Variants in NUP188 observed in about 807,000 individuals in gnomAD.
NUP188 encodes nucleoporin NUP188.
Under a neutral mutation model 223.0 loss-of-function variants are expected in NUP188, and 97 were observed. The observed-to-expected ratio is 0.43, with a 90% CI of 0.37 to 0.51. The LOEUF is 0.51. Among genes scored for constraint, NUP188 ranks in the 20% least tolerant of loss-of-function variants. NUP188 has a pLI of 0.00. For missense variants in NUP188, 1,947 were observed against 2,175.6 expected (o/e 0.89, Z 2.09); for synonymous variants, 869 against 828.0 (o/e 1.05, Z -0.85).
intron 6 of NUP188, 49 bp downstream of exon 6, chr9:128,958,103 G>C (rs1303896388): frequency 6.8e-7 from 1 of 1,471,684 alleles, no homozygotes; most frequent in Non-Finnish European, 9.5e-7. Context: ...TTGAGTGACA[G>C]CTTCTTGACC....
At chr9:129,001,381 GGA>G (rs1359005338) in intron 34 of NUP188, 146 bp from the exon 35 acceptor site, 2 of 668,790 alleles carry the variant, frequency 3.0e-6, no homozygotes, top group Admixed American at 4.5e-5. Flanking sequence ...GGGCAGGGTG[GGA>G]GAGAGTGTGC....
At position 128,979,443 on chromosome 9, in the gene NUP188, G is replaced by A. The variant is rs376048023; in HGVS notation, c.1269+116G>A. The stretch of plus-strand genomic sequence containing the variant: ...TTTCTCATTTAATCTTCATAAAAAC[G>A]TATGAAGTAGATACTATTACTGTCC... On this transcript the variant is annotated intron_variant, in intron 13 of 43. Transcript: ENST00000372577. 86 of 651,788 alleles carry A rather than the reference G, an allele frequency of 1.3e-4. 1 individual carries two copies. Among genetic ancestry groups the A allele is most frequent in the African/African-American group, 1.2e-3 (65 of 54,228 alleles). The allele number at this position is 651,788 out of a possible 1,614,324, so 40.4% of individuals were successfully genotyped here.
At chr9:129,006,155 C>A (rs1261955603) in intron 42 of NUP188, 32 bp downstream of exon 42, 6 of 1,613,908 alleles carry the variant, frequency 3.7e-6, no homozygotes, top group Non-Finnish European at 5.1e-6. Flanking sequence ...TGATAAGGGG[C>A]TGGGGCAGTC....
In NUP188 at chr9:128,994,413, A is replaced by T; in HGVS notation, c.3058A>T (p.Thr1020Ser). 1.2e-6 allele frequency: 2 copies of T among 1,613,406 alleles called. No individual in the cohort carries two copies. The highest frequency in any genetic ancestry group is 2.7e-5 in the African/African-American group (2 of 74,922). ...WENLTSPLFG[T>S]LSPPSETSEP... The stretch of plus-strand genomic sequence containing the variant: ...AAATTTAACCAGTCCGCTGTTTGGA[A>T]CCCTTTCTCCTCCCTCTGAAACATC... The change falls in exon 28 of 44, where the codon ACC becomes TCC. Residue 1020 changes from threonine (T) to serine (S), a missense_variant. Around this residue, in one of 3 missense-constraint regions of NUP188, gnomAD observed 905 missense variants for 990.6 expected, o/e 0.91. Transcript: ENST00000372577.
At chr9:128,962,982 T>C (rs1350103537) in intron 8 of NUP188, among the ~76,000 whole-genome samples, 1 of 152,180 alleles carries the variant, frequency 6.6e-6, no homozygotes, top group Non-Finnish European at 1.5e-5. Flanking sequence ...CCACACAATA[T>C]GTAGAATTTT....
Position 128,986,576 on chromosome 9 carries a change from C to T in NUP188, c.2095C>T (p.Gln699Ter). The T allele has an allele frequency of 6.2e-7, 1 of 1,614,036 alleles. No homozygotes were observed. The highest frequency in any genetic ancestry group is 8.5e-7 in the Non-Finnish European group (1 of 1,179,986). Residue 699 changes from glutamine (Q) to a stop codon, truncating the protein, a stop_gained, in exon 21 of 44, where the codon CAG becomes TAG. Transcript: ENST00000372577. LOFTEE classifies it high-confidence loss of function. ...CTTGTAGGGGCAACTTGGTAGTACC[C>T]AGAGCCAAGGACTTGTACCCTGTGT... Reference protein sequence around the residue: ...TLVKGQLGSTQSQGLVPCVMF... With the variant: ...TLVKGQLGST
chr9:128,960,059 C>CTTTTT (rs956759518), intron 8 of NUP188, among the ~76,000 whole-genome samples: 16 of 103,776 alleles, frequency 1.5e-4, no homozygotes, highest in East Asian at 5.7e-4. Flanking sequence ...TTATTTTATT[C>CTTTTT]TTTTTTTTTT....
At position 129,006,596 on chromosome 9, in the gene NUP188, CCT is replaced by C. The variant is rs753469381; in HGVS notation, c.5176_5177del (p.Ser1726GlnfsTer5). 3 of 1,614,238 alleles carry C rather than the reference CCT, an allele frequency of 1.9e-6. No individual in the cohort carries two copies. Among genetic ancestry groups the C allele is most frequent in the South Asian group, 1.1e-5 (1 of 91,090 alleles). ...CTCCCCTCGCCGCAGGGCAAGTCCA[CCT>C]CTCTCTCCAAAGCCAGCCCTGAGAG... On this transcript the variant is annotated frameshift_variant, in exon 44 of 44. Coordinates refer to ENST00000372577, the MANE Select transcript of NUP188 (RefSeq NM_015354.3). LOFTEE classifies it high-confidence loss of function.
intron 8 of NUP188, among the ~76,000 whole-genome samples, chr9:128,961,131 C>T (rs901939903): frequency 2.4e-4 from 35 of 147,966 alleles, no homozygotes; most frequent in African/African-American, 8.7e-4. Flanking sequence ...GCAAGTCTGG[C>T]CAATATGGTG....
intron 3 of NUP188, among the ~76,000 whole-genome samples, chr9:128,954,848 G>T (rs1177410392): frequency 6.6e-6 from 1 of 151,370 alleles, no homozygotes; most frequent in Non-Finnish European, 1.5e-5. Context: ...CAGAGGTGAG[G>T]TGCTCTTCTT....
chr9:128,987,644 G>A lies in NUP188; in HGVS notation c.2320G>A (p.Gly774Arg), dbSNP rs765744479. 3 of 1,613,954 alleles carry A rather than the reference G, an allele frequency of 1.9e-6. No homozygotes were observed. The highest frequency in any genetic ancestry group is 8.5e-7 in the Non-Finnish European group (1 of 1,179,988). ...CICSLAYTEAGQTVINIMGIG... is the reference protein window; with the variant it reads ...CICSLAYTEARQTVINIMGIG... ...CTGCAGCCTGGCATACACAGAAGCA[G>A]GACAGACAGTTATCAATATCATGGG... Residue 774 changes from glycine to arginine, a missense_variant, in exon 23 of 44, where the codon GGA becomes AGA. This residue lies in a region of NUP188 where 225 missense variants were observed against 319.1 expected (regional missense o/e 0.71). Coordinates refer to ENST00000372577, the MANE Select transcript of NUP188 (RefSeq NM_015354.3).
At chr9:128,979,587 T>C (rs1842226914) in intron 13 of NUP188, among the ~76,000 whole-genome samples, 1 of 151,932 alleles carries the variant, frequency 6.6e-6, no homozygotes, top group Non-Finnish European at 1.5e-5. Context: ...GCCCACGTTA[T>C]TACCAGTGTG....
intron 3 of NUP188, 137 bp from the exon 4 acceptor site, chr9:128,956,213 G>GCA (rs1491392497): frequency 1.4e-5 from 7 of 494,016 alleles, no homozygotes; most frequent in Admixed American, 1.2e-4. Flanking sequence ...GTGTGTGTGC[G>GCA]TGTGTGTGTT....
intron 10 of NUP188, among the ~76,000 whole-genome samples, chr9:128,970,395 T>C (rs545922885): frequency 6.6e-5 from 10 of 152,126 alleles, no homozygotes; most frequent in Admixed American, 2.0e-4. Flanking sequence ...TTAAGGAGCC[T>C]GTGAAAGAAG....
At chr9:128,951,859 C>A (rs1051490846) in intron 2 of NUP188, among the ~76,000 whole-genome samples, 1 of 148,338 alleles carries the variant, frequency 6.7e-6, no homozygotes, top group Non-Finnish European at 1.5e-5. Context: ...TTGGTGCAAT[C>A]TCGGCTCACC....
intron 32 of NUP188, among the ~76,000 whole-genome samples, chr9:128,998,927 G>A (rs1842582721): frequency 6.6e-6 from 1 of 150,902 alleles, no homozygotes; most frequent in African/African-American, 2.4e-5. Flanking sequence ...CGCGATCTCG[G>A]CTCACTGCAA....
chr9:128,984,375 C>T (rs1401951918), intron 19 of NUP188, among the ~76,000 whole-genome samples: 1 of 152,124 alleles, frequency 6.6e-6, no homozygotes, highest in Non-Finnish European at 1.5e-5. Context: ...ATCCGCCTGC[C>T]TTGGCCTCCC....
At chr9:128,993,855 G>T (rs1368913941) in intron 27 of NUP188, among the ~76,000 whole-genome samples, 161 bp downstream of exon 27, 2 of 152,164 alleles carry the variant, frequency 1.3e-5, no homozygotes, top group African/African-American at 2.4e-5. Context: ...TTCTAATGCT[G>T]CTGCAAGTAT....
At chr9:128,971,623 T>G (rs747666129) in intron 11 of NUP188, among the ~76,000 whole-genome samples, 2 of 152,110 alleles carry the variant, frequency 1.3e-5, no homozygotes, top group Non-Finnish European at 2.9e-5. Flanking sequence ...TTTTACCATC[T>G]TGGCCAAGCT....
Sources: allele counts gnomAD v4.1 joint callset (sites outside exome capture counted in the v4.1 genomes callset), GRCh38; gene constraint gnomAD v4.1.1; regional missense constraint gnomAD v4.1.1; transcripts MANE v1.5; gene names NCBI Gene and HGNC (gene_info 2026-07-23, HGNC 2026-07-21).